The following MYT1L variants were observed in gnomAD, a reference collection of about 807,000 sequenced individuals.
MYT1L encodes the protein myelin transcription factor 1-like protein.
MYT1L carries 12 observed loss-of-function variants against 126.7 expected under a neutral mutation model. That is an observed-to-expected ratio of 0.09 (90% confidence interval 0.06 to 0.15). The LOEUF (loss-of-function observed/expected upper bound fraction) is 0.15. MYT1L is among the 10% of genes least tolerant of loss of function. The pLI is 1.00. For synonymous variants in MYT1L, 541 were observed against 604.2 expected (o/e 0.90, Z 1.53); for missense variants, 979 against 1,585.2 (o/e 0.62, Z 6.49).
chr2:2,061,681 T>C (rs924546135), intron 3 of MYT1L, among the ~76,000 whole-genome samples: 4 of 152,158 alleles, frequency 2.6e-5, no homozygotes, highest in Admixed American at 6.5e-5. Flanking sequence ...ACCTGTGATA[T>C]CTGGATTCTG....
intron 22 of MYT1L, among the ~76,000 whole-genome samples, chr2:1,804,529 C>A (rs1489570607): frequency 6.6e-6 from 1 of 152,224 alleles, no homozygotes; most frequent in African/African-American, 2.4e-5. Flanking sequence ...CAAAAAGCAG[C>A]ATCTCAGAGC....
chr2:1,865,665 G>A (rs530124545), intron 18 of MYT1L, among the ~76,000 whole-genome samples: 45 of 151,906 alleles, frequency 3.0e-4, no homozygotes, highest in African/African-American at 9.9e-4. Context: ...CTTCTTTTGC[G>A]TGGTGGTGCA....
At chr2:2,236,802 CTTCTTCTTCTTCTTT>C (rs1226091203) in intron 2 of MYT1L, among the ~76,000 whole-genome samples, 26 of 18,246 alleles carry the variant, frequency 1.4e-3, no homozygotes, top group South Asian at 3.8e-3. Context: ...TCTTCTTCTT[CTTCTTCTTCTTCTTT>C]TTTTTTTTTT....
At chr2:2,195,938 CAG>C (rs1456824273) in intron 2 of MYT1L, among the ~76,000 whole-genome samples, 3 of 151,870 alleles carry the variant, frequency 2.0e-5, no homozygotes, top group Non-Finnish European at 4.4e-5. Context: ...ACATGCAAAA[CAG>C]GAGTCCCATA....
intron 2 of MYT1L, among the ~76,000 whole-genome samples, chr2:2,252,922 A>G (rs2149229849): frequency 1.3e-5 from 2 of 152,258 alleles, no homozygotes; most frequent in East Asian, 3.9e-4. Flanking sequence ...TTTTTAGGGC[A>G]TGTATCCTGA....
In MYT1L at chr2:1,848,812, C is replaced by G. The variant is rs1228349126; in HGVS notation, c.2774+2829G>C. Among the ~76,000 whole-genome samples, 1 of 152,172 alleles carries G rather than the reference C, an allele frequency of 6.6e-6. No individual in the cohort carries two copies. Among genetic ancestry groups the G allele is most frequent in the Non-Finnish European group, 1.5e-5 (1 of 68,032 alleles). ...TAAGGACTGTCACGTGGAGGCAACACTTCTGCTGAGCAACGTGCCCAGCCC... is the reference window on the plus strand; with the variant it reads ...TAAGGACTGTCACGTGGAGGCAACAGTTCTGCTGAGCAACGTGCCCAGCCC... On this transcript the variant is annotated intron_variant, in intron 19 of 24. Coordinates refer to ENST00000647738, the MANE Select transcript of MYT1L (RefSeq NM_001303052.2). This position sits in a 1 kb window ranked among gnomAD's most constrained non-coding sequence, Gnocchi z 4.8.
At chr2:2,011,879 T>C (rs767014822) in intron 4 of MYT1L, among the ~76,000 whole-genome samples, 2 of 152,364 alleles carry the variant, frequency 1.3e-5, no homozygotes, top group South Asian at 2.1e-4. Flanking sequence ...TGACAAGTGC[T>C]GGTCACTTGT....
chr2:1,947,835 C>A (rs2057375044), intron 8 of MYT1L, among the ~76,000 whole-genome samples: 1 of 152,200 alleles, frequency 6.6e-6, no homozygotes, highest in Non-Finnish European at 1.5e-5. Flanking sequence ...TCTGCCAGGA[C>A]AATATTGGTA....
chr2:1,956,021 T>G, intron 8 of MYT1L, among the ~76,000 whole-genome samples: 1 of 152,080 alleles, frequency 6.6e-6, no homozygotes, highest in East Asian at 1.9e-4. Flanking sequence ...GCTGTAGATC[T>G]TCATCATCCC....
chr2:2,223,729 A>G (rs1411687902), intron 2 of MYT1L, among the ~76,000 whole-genome samples: 2 of 152,232 alleles, frequency 1.3e-5, no homozygotes, highest in Non-Finnish European at 2.9e-5. Flanking sequence ...CTATTTCATC[A>G]TTAGCATTCA....
chr2:1,847,918 A>G (rs2042713969), intron 19 of MYT1L, among the ~76,000 whole-genome samples: 1 of 152,150 alleles, frequency 6.6e-6, no homozygotes, highest in Non-Finnish European at 1.5e-5. Flanking sequence ...AGGCAGGTAC[A>G]ACCCCACCTT....
chr2:2,267,230 T>A (rs2095153851), intron 2 of MYT1L, among the ~76,000 whole-genome samples: 1 of 152,226 alleles, frequency 6.6e-6, no homozygotes, highest in African/African-American at 2.4e-5. Context: ...TGCTAGCTGC[T>A]GCTTCACAGA....
chr2:1,875,714 T>A (rs979401287), intron 18 of MYT1L, among the ~76,000 whole-genome samples: 1 of 152,074 alleles, frequency 6.6e-6, no homozygotes, highest in Non-Finnish European at 1.5e-5. Flanking sequence ...GATAATCAGA[T>A]TATTGCCAGG....
Position 1,806,949 on chromosome 2 carries a change from T to C in MYT1L, c.3172+2127A>G, listed in dbSNP as rs79762333. Among the ~76,000 whole-genome samples, 1 of 152,204 alleles carries C rather than the reference T, an allele frequency of 6.6e-6. No homozygotes were observed. The highest frequency in any genetic ancestry group is 1.5e-5 in the Non-Finnish European group (1 of 68,038). On this transcript the variant is annotated intron_variant, in intron 22 of 24. Transcript: ENST00000647738. The surrounding 1 kb of genome is among the most constrained non-coding windows in gnomAD (Gnocchi z 4.9). ...CATGCAGATGGGGCTTAGGGAATGTTTTCTTTCTGGCAAGGAGCACTGCTC... is the reference window on the plus strand; with the variant it reads ...CATGCAGATGGGGCTTAGGGAATGTCTTCTTTCTGGCAAGGAGCACTGCTC...
At chr2:2,003,260 C>T (rs1389811316) in intron 4 of MYT1L, among the ~76,000 whole-genome samples, 1 of 152,136 alleles carries the variant, frequency 6.6e-6, no homozygotes, top group Non-Finnish European at 1.5e-5. Context: ...CTGCCAAAGG[C>T]TTTTTGGGCT....
intron 3 of MYT1L, among the ~76,000 whole-genome samples, chr2:2,146,476 G>A (rs749667701): frequency 2.7e-4 from 41 of 152,176 alleles, no homozygotes; most frequent in Non-Finnish European, 5.4e-4. Context: ...AGCATCTGCA[G>A]GGGTCCTGCC....
At chr2:2,109,873 TTTTATATATATA>T (rs1300727235) in intron 3 of MYT1L, among the ~76,000 whole-genome samples, 1 of 82,012 alleles carries the variant, frequency 1.2e-5, no homozygotes, top group Admixed American at 1.5e-4. Context: ...AAAGTGCTGA[TTTTATATATATA>T]TATATATATA....
At chr2:2,212,674 T>A (rs2093562559) in intron 2 of MYT1L, among the ~76,000 whole-genome samples, 1 of 152,216 alleles carries the variant, frequency 6.6e-6, no homozygotes, top group South Asian at 2.1e-4. Context: ...TACTTCCCCA[T>A]CATCTATCAT....
intron 19 of MYT1L, chr2:1,842,087 A>C (rs1427009995): frequency 6.6e-6 from 1 of 152,244 alleles, no homozygotes; most frequent in African/African-American, 2.4e-5. Context: ...GTCTTGTGGA[A>C]ATCGCGGGCC....
Sources: gnomAD v4.1 joint callset for allele counts (sites outside exome capture counted in the v4.1 genomes callset) on GRCh38, gnomAD v4.1.1 for gene constraint, Gnocchi (gnomAD v3.1) non-coding constraint, MANE v1.5 for transcripts, NCBI Gene and HGNC (gene_info 2026-07-23, HGNC 2026-07-21) for gene names.